Variants in TMEM175 observed in about 807,000 individuals in gnomAD.
The protein encoded by TMEM175 is transmembrane protein 175, also known as endosomal/lysosomal proton channel TMEM175.
TMEM175 carries 36 observed loss-of-function variants against 36.5 expected under a neutral mutation model. That is an observed-to-expected ratio of 0.99 (90% CI 0.76 to 1.30). TMEM175 has a LOEUF of 1.30. TMEM175 is among the 50% of genes most tolerant of loss of function. The pLI is 0.00. For missense variants in TMEM175, 705 were observed against 692.8 expected, an observed-to-expected ratio of 1.02 and a Z score of -0.20; for synonymous variants, 339 against 313.4, an observed-to-expected ratio of 1.08 and a Z score of -0.86.
rs202118546 is a variant in TMEM175, at chr4:958,310, C to G, written c.1329C>G (p.Phe443Leu). The G allele has an allele frequency of 6.2e-6, 10 of 1,605,654 alleles. No homozygotes were observed. Among genetic ancestry groups the G allele is most frequent in the Admixed American group, 1.7e-5 (1 of 60,010 alleles). ...CCTCCACCTGCCTGCTGAGCAGGTT[C>G]AGTGTGGGCATCTTCCACCTCATGC... is the stretch of plus-strand genomic sequence containing the variant. ...AFASTCLLSR[F>L]SVGIFHLMQI... is the part of the protein sequence containing the mutation. Residue 443 changes from phenylalanine (F) to leucine (L), a missense_variant, in exon 11 of 11, where the codon TTC becomes TTG. Coordinates refer to ENST00000264771, the MANE Select transcript of TMEM175 (RefSeq NM_032326.4).
Position 947,835 on chromosome 4 carries a change from C to T in TMEM175, c.96C>T (p.Cys32=). Residue 32 remains cysteine, a synonymous_variant, in exon 2 of 11, where the codon TGC becomes TGT. Coordinates refer to ENST00000264771, the MANE Select transcript of TMEM175 (RefSeq NM_032326.4). ...RDEDAGEGIQ[C]SQRMLSFSDA... is the part of the protein sequence containing the mutation. Reference sequence around the variant, plus strand: ...AGGACGCTGGGGAGGGGATCCAGTGCTCCCAACGCATGCTCAGCTTCAGTG... The same window carrying T: ...AGGACGCTGGGGAGGGGATCCAGTGTTCCCAACGCATGCTCAGCTTCAGTG... The T allele has an allele frequency of 6.2e-7, 1 of 1,613,462 alleles. No homozygotes were observed. Among genetic ancestry groups the T allele is most frequent in the Non-Finnish European group, 8.5e-7 (1 of 1,180,016 alleles).
At chr4:956,458 T>A (rs1356306244) in intron 10 of TMEM175, 2 of 1,280,860 alleles carry the variant, frequency 1.6e-6, no homozygotes, top group Non-Finnish European at 2.0e-6. Context: ...TTTTTTTTTT[T>A]TTTTGAGACA....
At position 952,364 on chromosome 4, in the gene TMEM175, C is replaced by T. The variant is rs762701016; in HGVS notation, c.379-3C>T. 2 of 1,611,034 alleles carry T rather than the reference C, an allele frequency of 1.2e-6. No individual in the cohort carries two copies. The highest frequency in any genetic ancestry group is 2.7e-5 in the African/African-American group (2 of 74,862). On this transcript the variant is annotated splice_region_variant and splice_polypyrimidine_tract_variant and intron_variant, in intron 6 of 10. Coordinates refer to ENST00000264771, the MANE Select transcript of TMEM175 (RefSeq NM_032326.4). ...GGGTTTGGTTTTGTTTTTGTTTTAA[C>T]AGTTTTCGTTAATGGTGACCTTCCC...
At chr4:944,564 T>C (rs989626677) in intron 1 of TMEM175, among the ~76,000 whole-genome samples, 1 of 152,142 alleles carries the variant, frequency 6.6e-6, no homozygotes, top group Non-Finnish European at 1.5e-5. Context: ...ATTGTTCTTA[T>C]TTGTGGTTTT....
intron 10 of TMEM175, chr4:956,403 C>T (rs1001189865): frequency 2.4e-5 from 31 of 1,289,060 alleles, no homozygotes; most frequent in Non-Finnish European, 2.6e-5. Flanking sequence ...TGTTAGAGCG[C>T]GCGTCTCGTC....
rs1290023151 is a variant in TMEM175 at position 956,497 on chromosome 4, T to C, written c.842+607T>C. 20 of 1,261,686 alleles carry C rather than the reference T, an allele frequency of 1.6e-5. No individual in the cohort carries two copies. The South Asian group carries it at 2.6e-4, about 16-fold the overall frequency. 78.2% of individuals were successfully genotyped at this position (1,261,686 alleles called of 1,614,324 possible). A position where few individuals can be genotyped will look rare whatever the true frequency, so the allele number is the denominator to read the frequency against. On this transcript the variant is annotated intron_variant, in intron 10 of 10. Coordinates refer to ENST00000264771, the MANE Select transcript of TMEM175 (RefSeq NM_032326.4). ...CTGCTGTGTCGCCCAGGCTGGAGTA[T>C]AGTGGCTCAAGCTCAGCTCACTGCA... is the stretch of plus-strand genomic sequence containing the variant.
rs1560498362 is a variant in TMEM175, at chr4:955,648, G to A, written c.707-107G>A. 3 of 1,515,364 alleles carry A rather than the reference G, an allele frequency of 2.0e-6. No individual in the cohort carries two copies. In the East Asian group the frequency reaches 7.0e-5, roughly 35 times the overall value. 93.9% of individuals were successfully genotyped at this position (1,515,364 alleles called of 1,614,324 possible). A position where few individuals can be genotyped will look rare whatever the true frequency, so the allele number is the denominator to read the frequency against. ...GCGTCCCTGTCCTGTCTCCTCTCCT[G>A]GCCTGCACATTCCAGGCCTCTTCAT... On this transcript the variant is annotated intron_variant, in intron 9 of 10. Coordinates refer to ENST00000264771, the MANE Select transcript of TMEM175 (RefSeq NM_032326.4).
intron 1 of TMEM175, among the ~76,000 whole-genome samples, chr4:942,575 G>T (rs961734152): frequency 6.6e-5 from 10 of 151,852 alleles, no homozygotes; most frequent in Non-Finnish European, 1.5e-4. Flanking sequence ...CAGAAAGTGG[G>T]AGTGCTCCCA....
intron 9 of TMEM175, 39 bp downstream of exon 9, chr4:955,522 A>T (rs1336640954): frequency 6.3e-7 from 1 of 1,588,992 alleles, no homozygotes; most frequent in Non-Finnish European, 8.6e-7. Context: ...AGAGGCCTGT[A>T]GTCCGCCCAC....
At chr4:934,947 C>T (rs1490970040) in intron 1 of TMEM175, among the ~76,000 whole-genome samples, 1 of 152,196 alleles carries the variant, frequency 6.6e-6, no homozygotes, top group Non-Finnish European at 1.5e-5. Context: ...TCTCTAATGA[C>T]TTCTGTTTTC....
At chr4:956,064 C>T (rs943287113) in intron 10 of TMEM175, 174 bp downstream of exon 10, 9 of 866,630 alleles carry the variant, frequency 1.0e-5, no homozygotes, top group East Asian at 5.4e-5. Context: ...GGACAACCTT[C>T]CCGGCGGCCC....
rs199906468 is a variant in TMEM175, at chr4:953,236, C to T, written c.509C>T (p.Pro170Leu). Reference protein sequence around the residue: ...YAFHFPHLLSPQIQRSAHRAL... With the variant: ...YAFHFPHLLSLQIQRSAHRAL... Reference sequence around the variant, plus strand: ...TTCCACTTCCCGCACCTGCTGAGCCCGCAGATCCAGCGCTCTGCCCACAGG... The same window carrying T: ...TTCCACTTCCCGCACCTGCTGAGCCTGCAGATCCAGCGCTCTGCCCACAGG... Residue 170 changes from proline (P) to leucine (L), a missense_variant, in exon 8 of 11, where the codon CCG (proline) becomes CTG (leucine). Physicochemically the swap from Pro to Leu is moderately conservative, Grantham distance 98. Transcript: ENST00000264771. The T allele has an allele frequency of 4.4e-4, 712 of 1,613,516 alleles. 3 individuals carry two copies. Among genetic ancestry groups the T allele is most frequent in the Non-Finnish European group, 5.0e-4 (589 of 1,179,732 alleles).
chr4:950,658 C>G, intron 4 of TMEM175, 140 bp downstream of exon 4: 2 of 551,248 alleles, frequency 3.6e-6, no homozygotes, highest in Non-Finnish European at 6.4e-6. Flanking sequence ...GATGGCAGGA[C>G]TTACCCCAAA....
chr4:957,875 C>T lies in TMEM175; in HGVS notation c.894C>T (p.Ser298=), dbSNP rs1162641543. 3.0e-5 allele frequency: 49 copies of T among 1,612,522 alleles called. No individual in the cohort carries two copies. Among genetic ancestry groups the T allele is most frequent in the Non-Finnish European group, 4.2e-5 (49 of 1,179,878 alleles). ...PKDVKERFSG[S]LVAALSATGP... ...ATGTGAAGGAGAGGTTCAGCGGCAG[C>T]CTCGTGGCCGCCCTGAGTGCGACCG... The change falls in exon 11 of 11, where the codon AGC becomes AGT. Residue 298 remains serine, a synonymous_variant. Transcript: ENST00000264771.
Position 955,850 on chromosome 4 carries a change from G to A in TMEM175, c.802G>A (p.Val268Ile). ...KERVEAFSDG[V>I]YAIVATLLIL... ...GCGCGTGGAAGCCTTCAGCGACGGA[G>A]TCTACGCCATCGTGGCCACGCTTCT... The change falls in exon 10 of 11, where the codon GTC (valine) becomes ATC (isoleucine). Residue 268 changes from valine to isoleucine, a missense_variant. Val to Ile is a conservative substitution (Grantham distance 29, BLOSUM62 3). Coordinates refer to ENST00000264771, the MANE Select transcript of TMEM175 (RefSeq NM_032326.4). 2 of 1,614,084 alleles carry A rather than the reference G, an allele frequency of 1.2e-6. No homozygotes were observed. Among genetic ancestry groups the A allele is most frequent in the Non-Finnish European group, 1.7e-6 (2 of 1,179,988 alleles).
At chr4:957,675 C>T (rs553708119) in intron 10 of TMEM175, 149 bp from the exon 11 acceptor site, 44 of 725,896 alleles carry the variant, frequency 6.1e-5, no homozygotes, top group South Asian at 6.1e-4. Flanking sequence ...ATAAATACGG[C>T]GTTCTGAAAT....
At chr4:950,035 G>T (rs80269477) in intron 3 of TMEM175, among the ~76,000 whole-genome samples, 6,346 of 152,218 alleles carry the variant, frequency 0.042, 177 homozygotes, top group East Asian at 0.1. Flanking sequence ...ATACACAGAG[G>T]GTACCATCCC....
chr4:953,285 G>A lies in TMEM175; in HGVS notation c.558G>A (p.Leu186=). 2 of 1,614,068 alleles carry A rather than the reference G, an allele frequency of 1.2e-6. No individual in the cohort carries two copies. The highest frequency in any genetic ancestry group is 1.7e-5 in the Admixed American group (1 of 60,012). ...AHRALYRRHV[L]GIVLQGPALC... ...GGGCTCTGTACCGACGACACGTCCT[G>A]GGCATCGTCCTCCAAGGCCCGGCCC... is the stretch of plus-strand genomic sequence containing the variant. The change falls in exon 8 of 11, where the codon CTG becomes CTA. Residue 186 remains leucine, a synonymous_variant. Coordinates refer to ENST00000264771, the MANE Select transcript of TMEM175 (RefSeq NM_032326.4).
intron 5 of TMEM175, 125 bp from the exon 6 acceptor site, chr4:951,557 C>T (rs1728890275): frequency 2.3e-6 from 3 of 1,277,904 alleles, no homozygotes; most frequent in Non-Finnish European, 3.4e-6. Flanking sequence ...GGGCTGGACT[C>T]ACACTCGCTG....
Sources: gnomAD v4.1 joint callset for allele counts (sites outside exome capture counted in the v4.1 genomes callset) on GRCh38, gnomAD v4.1.1 for gene constraint, MANE v1.5 for transcripts, NCBI Gene and HGNC (gene_info 2026-07-23, HGNC 2026-07-21) for gene names.